Variants in CPNE7 observed in about 807,000 individuals in gnomAD.
The protein encoded by CPNE7 is copine-7.
In CPNE7, 78 loss-of-function variants were observed where a neutral mutation model predicts 66.5. The ratio of observed to expected loss-of-function variants is 1.17; its 90% CI spans 0.98 to 1.42. The LOEUF is 1.42. CPNE7 is among the 40% of genes most tolerant of loss of function. CPNE7 has a pLI of 0.00. For synonymous variants in CPNE7, 468 were observed against 336.7 expected (o/e 1.39, Z -4.27); for missense variants, 1,012 against 776.6 (o/e 1.30, Z -3.60).
intron 13 of CPNE7, among the ~76,000 whole-genome samples, chr16:89,593,097 G>A (rs2059200449): frequency 6.6e-6 from 1 of 151,888 alleles, no homozygotes; most frequent in Non-Finnish European, 1.5e-5. Flanking sequence ...GATTACAGGT[G>A]TGAGCCGCCG....
chr16:89,589,289 C>A (rs1362150703), intron 10 of CPNE7, among the ~76,000 whole-genome samples: 1 of 152,086 alleles, frequency 6.6e-6, no homozygotes. Flanking sequence ...AAGACTCCGT[C>A]TCAAAAAAAA....
At chr16:89,594,590 T>C (rs2059223162) in intron 13 of CPNE7, among the ~76,000 whole-genome samples, 1 of 148,764 alleles carries the variant, frequency 6.7e-6, no homozygotes, top group Non-Finnish European at 1.5e-5. Context: ...GATTATTGAG[T>C]GGGGTTTTTT....
At chr16:89,594,308 C>G (rs1268288511) in intron 13 of CPNE7, 1 of 152,144 alleles carries the variant, frequency 6.6e-6, no homozygotes, top group Non-Finnish European at 1.5e-5. Flanking sequence ...GCTTGTAGGC[C>G]TGGACCAGAG....
intron 3 of CPNE7, 121 bp from the exon 4 acceptor site, chr16:89,583,907 T>C (rs1597700370): frequency 7.0e-7 from 1 of 1,437,510 alleles, no homozygotes; most frequent in South Asian, 1.2e-5. Context: ...GCCCCGGGGG[T>C]ACACAGACAC....
In CPNE7 at chr16:89,592,892, A is replaced by T. The variant is rs535348509; in HGVS notation, c.1302+1632A>T. On this transcript the variant is annotated intron_variant, in intron 13 of 14. Coordinates refer to ENST00000319518, the MANE Select transcript of CPNE7 (RefSeq NM_153636.3). ...CAGTGACGTGATCTCGGCTCACTGC[A>T]AGCTCCGCCTCCCGGGTTCACGCCA... is the stretch of plus-strand genomic sequence containing the variant. Among the ~76,000 whole-genome samples, 15 of 136,550 alleles carry T rather than the reference A, an allele frequency of 1.1e-4. 1 individual carries two copies. In the South Asian group the frequency reaches 3.2e-3, roughly 29 times the overall value. 89.6% of individuals were successfully genotyped at this position (136,550 alleles called of 152,430 possible).
Position 89,595,349 on chromosome 16 carries a change from C to T in CPNE7, c.1303-18C>T, listed in dbSNP as rs200095725. The T allele has an allele frequency of 8.6e-5, 133 of 1,545,384 alleles. No individual in the cohort carries two copies. The highest frequency in any genetic ancestry group is 7.8e-5 in the Non-Finnish European group (89 of 1,138,044). ...CATGGCAGGTGTGGTGTTGCTGATG[C>T]CTTTCCTGTGCCCCCAGCAATACTA... is the stretch of plus-strand genomic sequence containing the variant. On this transcript the variant is annotated intron_variant, in intron 13 of 14. Transcript: ENST00000319518.
At chr16:89,591,767 C>A (rs150582362) in intron 13 of CPNE7, among the ~76,000 whole-genome samples, 1 of 151,398 alleles carries the variant, frequency 6.6e-6, no homozygotes, top group Non-Finnish European at 1.5e-5. Flanking sequence ...TGATGTGATC[C>A]CAGCTCACTG....
At chr16:89,594,381 G>C (rs1220766990) in intron 13 of CPNE7, among the ~76,000 whole-genome samples, 1 of 152,066 alleles carries the variant, frequency 6.6e-6, no homozygotes, top group Non-Finnish European at 1.5e-5. Context: ...GAGATGGGGA[G>C]GGCACAAAAA....
At chr16:89,579,693 C>A (rs1256055408) in intron 2 of CPNE7, among the ~76,000 whole-genome samples, 2 of 145,394 alleles carry the variant, frequency 1.4e-5, no homozygotes, top group African/African-American at 5.6e-5. Flanking sequence ...ATCCCGTCAT[C>A]TGCTCACATG....
At chr16:89,588,863 G>A (rs964379262) in intron 10 of CPNE7, 55 bp downstream of exon 10, 12 of 1,600,606 alleles carry the variant, frequency 7.5e-6, no homozygotes, top group South Asian at 2.2e-5. Context: ...TATGACAGGT[G>A]CGCCTGGCCG....
At chr16:89,588,206 G>GCGTGTCACCCACAGATACATGGCCCC (rs1597711657) in intron 9 of CPNE7, among the ~76,000 whole-genome samples, 1 of 21,146 alleles carries the variant, frequency 4.7e-5, no homozygotes, top group African/African-American at 1.7e-4. Context: ...CGTGTCACCC[G>GCGTGTCACCCACAGATACATGGCCCC]CGTGTCACCC....
rs201870420 is a variant in CPNE7, at chr16:89,587,141, C to T, written c.927+39C>T. ...CCCGCCCCATGCCGCCCCCTCAGTCCGTGGCCCCGCCCCGCCCCGCCCCCT... is the reference window on the plus strand; with the variant it reads ...CCCGCCCCATGCCGCCCCCTCAGTCTGTGGCCCCGCCCCGCCCCGCCCCCT... On this transcript the variant is annotated intron_variant, in intron 9 of 14. Transcript: ENST00000319518. 4.6e-4 allele frequency: 299 copies of T among 649,826 alleles called. 3 individuals are homozygous for T. The highest frequency in any genetic ancestry group is 2.6e-3 in the Admixed American group (67 of 25,952). The allele number at this position is 649,826 out of a possible 1,614,324, so 40.3% of individuals were successfully genotyped here.
intron 1 of CPNE7, 82 bp from the exon 2 acceptor site, chr16:89,577,457 G>T: frequency 7.1e-7 from 1 of 1,402,804 alleles, no homozygotes; most frequent in Non-Finnish European, 9.7e-7. Flanking sequence ...CTGGGCGTGG[G>T]TGAGCGGCAG....
At chr16:89,596,376 G>C in intron 14 of CPNE7, 108 bp from the exon 15 acceptor site, 4 of 1,445,530 alleles carry the variant, frequency 2.8e-6, no homozygotes, top group Non-Finnish European at 3.7e-6. Context: ...GGGGTGGGTA[G>C]TCACCACTCG....
At chr16:89,587,563 G>A (rs934187618) in intron 9 of CPNE7, 2 of 443,194 alleles carry the variant, frequency 4.5e-6, no homozygotes, top group South Asian at 1.6e-5. Flanking sequence ...CAGACAAAAC[G>A]TGAACGAGGA....
chr16:89,587,005 C>G, intron 8 of CPNE7, 38 bp from the exon 9 acceptor site: 1 of 1,560,486 alleles, frequency 6.4e-7, no homozygotes, highest in Non-Finnish European at 8.7e-7. Flanking sequence ...GCCTCAGTGT[C>G]CCTGGCGGGG....
chr16:89,590,044 T>G, intron 11 of CPNE7, 93 bp downstream of exon 11: 2 of 1,416,000 alleles, frequency 1.4e-6, no homozygotes, highest in Non-Finnish European at 2.0e-6. Flanking sequence ...CCTGGCTGCC[T>G]GCTGGGAACC....
chr16:89,577,428 A>C, intron 1 of CPNE7, 111 bp from the exon 2 acceptor site: 3 of 1,079,910 alleles, frequency 2.8e-6, no homozygotes, highest in Non-Finnish European at 4.0e-6. Context: ...TTCCCAGGGT[A>C]TGAGTCCTCC....
intron 9 of CPNE7, chr16:89,587,709 C>G (rs1252974039): frequency 6.1e-6 from 2 of 326,350 alleles, no homozygotes; most frequent in African/African-American, 4.4e-5. Flanking sequence ...CCCGTGTCAC[C>G]CCCATAGCAC....
Sources: allele counts gnomAD v4.1 joint callset (sites outside exome capture counted in the v4.1 genomes callset), GRCh38; gene constraint gnomAD v4.1.1; transcripts MANE v1.5; gene names NCBI Gene and HGNC (gene_info 2026-07-23, HGNC 2026-07-21).